Variants in C7 observed in about 807,000 individuals in gnomAD.
The protein encoded by C7 is complement component C7.
Under a neutral mutation model 104.8 loss-of-function variants are expected in C7, and 83 were observed. The observed-to-expected ratio is 0.79, with a 90% CI of 0.66 to 0.95. The LOEUF (loss-of-function observed/expected upper bound fraction) is 0.95. C7 is among the 40% of genes least tolerant of loss of function. The pLI is 0.00. For missense variants in C7, 1,070 were observed against 1,011.2 expected (o/e 1.06, Z -0.79); for synonymous variants, 415 against 360.6 (o/e 1.15, Z -1.71).
intron 8 of C7, 91 bp from the exon 9 acceptor site, chr5:40,949,813 C>A (rs1740128090): frequency 1.3e-6 from 1 of 768,840 alleles, no homozygotes; most frequent in Non-Finnish European, 2.2e-6. Context: ...GCCATAGTAG[C>A]AGCAAACAAC....
chr5:40,976,977 C>A, intron 16 of C7, 137 bp downstream of exon 16: 1 of 635,184 alleles, frequency 1.6e-6, no homozygotes. Flanking sequence ...CGATGTAGTC[C>A]ATCTGCTGCC....
At position 40,977,977 on chromosome 5, in the gene C7, T is replaced by A. The variant is rs113773406; in HGVS notation, c.2165+1137T>A. 9.1e-3 allele frequency among the ~76,000 whole-genome samples: 1,380 copies of A among 151,668 alleles called. 46 individuals carry two copies. In the East Asian group the frequency reaches 0.13, roughly 14 times the overall value. The stretch of plus-strand genomic sequence containing the variant: ...GGTGAAACCCCTTCTCTACAAAAAA[T>A]ACAAAAATTAGCTGGGTGTGGTGAC... On this transcript the variant is annotated intron_variant, in intron 16 of 17. Transcript: ENST00000313164.
chr5:40,939,056 G>A (rs1462974976), intron 6 of C7, among the ~76,000 whole-genome samples: 1 of 152,084 alleles, frequency 6.6e-6, no homozygotes, highest in Non-Finnish European at 1.5e-5. Context: ...CTCCAAAAAT[G>A]TCTAATTCAG....
In C7 at chr5:40,976,314, C is replaced by T. The variant is rs111367553; in HGVS notation, c.2075-436C>T. 1.5e-3 allele frequency among the ~76,000 whole-genome samples: 226 copies of T among 152,254 alleles called. 1 individual carries two copies. The highest frequency in any genetic ancestry group is 5.2e-3 in the African/African-American group (216 of 41,548). ...CCAAACAACAAACAGTTTATAAGCA[C>T]CAGCTTCTTGAAAGGGAGCCACTTT... On this transcript the variant is annotated intron_variant, in intron 15 of 17. Transcript: ENST00000313164.
intron 7 of C7, among the ~76,000 whole-genome samples, chr5:40,946,154 T>A (rs1301149885): frequency 6.6e-6 from 1 of 152,002 alleles, no homozygotes; most frequent in Admixed American, 6.6e-5. Flanking sequence ...GATAAAATAC[T>A]TTAAAAACAC....
At chr5:40,954,162 A>T (rs1740237059) in intron 9 of C7, among the ~76,000 whole-genome samples, 1 of 152,176 alleles carries the variant, frequency 6.6e-6, no homozygotes, top group Admixed American at 6.5e-5. Flanking sequence ...ATTCCTGTTA[A>T]TTAACAGCTT....
At chr5:40,946,826 G>A (rs1275778681) in intron 7 of C7, among the ~76,000 whole-genome samples, 3 of 151,972 alleles carry the variant, frequency 2.0e-5, no homozygotes, top group Non-Finnish European at 2.9e-5. Context: ...GGGAGGCTGA[G>A]GCAAGCAGAC....
At chr5:40,961,714 T>G (rs1021038451) in intron 12 of C7, among the ~76,000 whole-genome samples, 4 of 152,202 alleles carry the variant, frequency 2.6e-5, no homozygotes, top group African/African-American at 9.6e-5. Context: ...ACAGAATTAA[T>G]TCTGTATTAA....
chr5:40,931,388 T>C lies in C7; in HGVS notation c.138+249T>C, dbSNP rs557145224. ...ATCTTATCTTGGAGCTAGAAATGTA[T>C]ATAGGCTAAAAGTTCAAGGCAATTT... On this transcript the variant is annotated intron_variant, in intron 3 of 17. Coordinates refer to ENST00000313164, the MANE Select transcript of C7 (RefSeq NM_000587.4). Among the ~76,000 whole-genome samples, 6 of 152,346 alleles carry C rather than the reference T, an allele frequency of 3.9e-5. No individual in the cohort carries two copies. In the East Asian group the frequency reaches 1.2e-3, roughly 29 times the overall value.
intron 1 of C7, among the ~76,000 whole-genome samples, chr5:40,911,948 C>T (rs1739218242): frequency 6.6e-6 from 1 of 150,846 alleles, no homozygotes; most frequent in African/African-American, 2.4e-5. Flanking sequence ...TGGGGTTTCA[C>T]CATATTGGCC....
At position 40,922,374 on chromosome 5, in the gene C7, CAAA is replaced by C. The variant is rs869109946; in HGVS notation, c.7-6181_7-6179del. On this transcript the variant is annotated intron_variant, in intron 1 of 17. Transcript: ENST00000313164. ...TGGGCAACAGAGTGAGACTCTGTCT[CAAA>C]AAAAAAAAAAAAAAAAAAAAAAAAG... Among the ~76,000 whole-genome samples, 117 of 43,084 alleles carry C rather than the reference CAAA, an allele frequency of 2.7e-3. 1 individual carries two copies. Among genetic ancestry groups the C allele is most frequent in the South Asian group, 0.014 (13 of 948 alleles). 28.3% of individuals were successfully genotyped at this position (43,084 alleles called of 152,430 possible). A position where few individuals can be genotyped will look rare whatever the true frequency, so the allele number is the denominator to read the frequency against.
chr5:40,914,754 T>C (rs1470046082), intron 1 of C7, among the ~76,000 whole-genome samples: 1 of 152,178 alleles, frequency 6.6e-6, no homozygotes, highest in Non-Finnish European at 1.5e-5. Flanking sequence ...GCCATCCCTA[T>C]TCTCAAGAGA....
chr5:40,955,631 G>A (rs1004181633), intron 10 of C7, 78 bp downstream of exon 10: 6 of 1,355,888 alleles, frequency 4.4e-6, no homozygotes, highest in Non-Finnish European at 6.1e-6. Context: ...GTTAAATCAA[G>A]ATGGTTAAAC....
At chr5:40,928,493 A>C in intron 1 of C7, 87 bp from the exon 2 acceptor site, 1 of 775,612 alleles carries the variant, frequency 1.3e-6, no homozygotes, top group South Asian at 1.8e-5. Context: ...TTTGTACCCC[A>C]TAAATTTATA....
rs988399179 is a variant in C7 at position 40,979,999 on chromosome 5, C to T, written c.2350+90C>T. Reference sequence around the variant, plus strand: ...ATGTGGTTTCTAGTTTAGCAGTGGGCCGAAGAAGATACTTGAGGATGTTAA... The same window carrying T: ...ATGTGGTTTCTAGTTTAGCAGTGGGTCGAAGAAGATACTTGAGGATGTTAA... On this transcript the variant is annotated intron_variant, in intron 17 of 17. Coordinates refer to ENST00000313164, the MANE Select transcript of C7 (RefSeq NM_000587.4). 8.7e-6 allele frequency: 10 copies of T among 1,149,836 alleles called. No homozygotes were observed. The Admixed American group carries it at 2.4e-4, about 27-fold the overall frequency. 71.2% of individuals were successfully genotyped at this position (1,149,836 alleles called of 1,614,324 possible).
intron 14 of C7, among the ~76,000 whole-genome samples, chr5:40,966,852 T>C (rs1740566047): frequency 6.6e-6 from 1 of 152,158 alleles, no homozygotes; most frequent in African/African-American, 2.4e-5. Flanking sequence ...GCATTGTCTT[T>C]TACTTATTAA....
At chr5:40,952,162 G>A (rs904195609) in intron 9 of C7, among the ~76,000 whole-genome samples, 9 of 152,368 alleles carry the variant, frequency 5.9e-5, no homozygotes, top group African/African-American at 2.2e-4. Context: ...GGCACCTACT[G>A]TGTGCCAGCA....
chr5:40,921,579 A>G (rs1199938405), intron 1 of C7, among the ~76,000 whole-genome samples: 1 of 146,418 alleles, frequency 6.8e-6, no homozygotes, highest in Non-Finnish European at 1.5e-5. Flanking sequence ...AAAGTAGATT[A>G]TTAAAAAAAA....
chr5:40,971,497 GATA>G (rs1740696862), intron 14 of C7, among the ~76,000 whole-genome samples: 1 of 152,186 alleles, frequency 6.6e-6, no homozygotes, highest in South Asian at 2.1e-4. Context: ...CCCTTTGTCA[GATA>G]GATAGATTAC....
Sources: allele counts gnomAD v4.1 joint callset (sites outside exome capture counted in the v4.1 genomes callset), GRCh38; gene constraint gnomAD v4.1.1; transcripts MANE v1.5; gene names NCBI Gene and HGNC (gene_info 2026-07-23, HGNC 2026-07-21).